Variants in ELAPOR1 observed in about 807,000 individuals in gnomAD.
The protein encoded by ELAPOR1 is endosome-lysosome associated apoptosis and autophagy regulator 1.
Under a neutral mutation model 119.7 loss-of-function variants are expected in ELAPOR1, and 77 were observed. That is an observed-to-expected ratio of 0.64 (90% CI 0.54 to 0.78). The LOEUF (loss-of-function observed/expected upper bound fraction) is 0.78. Ranked by LOEUF, ELAPOR1 falls within the 30% of genes least tolerant of loss-of-function variation. The pLI is 0.00. For missense variants in ELAPOR1, 1,115 were observed against 1,270.4 expected, an observed-to-expected ratio of 0.88 and a Z score of 1.86; for synonymous variants, 481 against 487.2, an observed-to-expected ratio of 0.99 and a Z score of 0.17.
In ELAPOR1 at chr1:109,163,082, T is replaced by C. The variant is rs72986866; in HGVS notation, c.274+1068T>C. On this transcript the variant is annotated intron_variant, in intron 2 of 21. Transcript: ENST00000369939. ...CCTAGTGGGTGGCAGACATATATGA[T>C]ATGAGAAAGAATGAGAGTTACGAAT... is the stretch of plus-strand genomic sequence containing the variant. Among the ~76,000 whole-genome samples the C allele has an allele frequency of 5.4e-3, 827 of 152,242 alleles. 8 individuals carry two copies. Among genetic ancestry groups the C allele is most frequent in the African/African-American group, 0.017 (719 of 41,516 alleles).
At chr1:109,167,300 T>C (rs567669457) in intron 3 of ELAPOR1, among the ~76,000 whole-genome samples, 27 of 152,206 alleles carry the variant, frequency 1.8e-4, no homozygotes, top group Admixed American at 1.2e-3. Context: ...CAACTTGTGT[T>C]TCCACCGCAC....
At position 109,189,064 on chromosome 1, in the gene ELAPOR1, A is replaced by C. The variant is rs1653250449; in HGVS notation, c.1220-2A>C. 1 of 1,613,304 alleles carries C rather than the reference A, an allele frequency of 6.2e-7. No homozygotes were observed. Among genetic ancestry groups the C allele is most frequent in the African/African-American group, 1.3e-5 (1 of 74,920 alleles). On this transcript the variant is annotated splice_acceptor_variant, in intron 9 of 21. Transcript: ENST00000369939. LOFTEE classifies it high-confidence loss of function. ...GCATGGATCTTGTTTGTGGTTCCCC[A>C]GACTGTACCCGCTGCCCTGCAGGGA...
At chr1:109,191,528 T>G in intron 12 of ELAPOR1, 57 bp downstream of exon 12, 1 of 1,502,240 alleles carries the variant, frequency 6.7e-7, no homozygotes, top group East Asian at 2.3e-5. Flanking sequence ...TAGCCCCATC[T>G]GCCCCATTGG....
intron 8 of ELAPOR1, chr1:109,187,583 C>T (rs1653133126): frequency 3.0e-6 from 3 of 1,002,054 alleles, no homozygotes; most frequent in Admixed American, 6.1e-5. Context: ...CCCACCTTCA[C>T]CCCTGACTCA....
chr1:109,202,143 T>C (rs1654209916), intron 21 of ELAPOR1, among the ~76,000 whole-genome samples: 1 of 152,186 alleles, frequency 6.6e-6, no homozygotes, highest in South Asian at 2.1e-4. Context: ...GACGGAGTGT[T>C]GCTCTGTCTC....
chr1:109,123,723 T>C (rs1430714483), intron 1 of ELAPOR1, among the ~76,000 whole-genome samples: 1 of 152,222 alleles, frequency 6.6e-6, no homozygotes, highest in African/African-American at 2.4e-5. Context: ...TTAAGCTCAT[T>C]GTAAACATTT....
chr1:109,131,500 A>G (rs1384579492), intron 1 of ELAPOR1, among the ~76,000 whole-genome samples: 6 of 152,062 alleles, frequency 3.9e-5, no homozygotes. Context: ...TTAAATCTCC[A>G]TGTTATTATT....
chr1:109,122,349 T>C (rs1570599310), intron 1 of ELAPOR1, among the ~76,000 whole-genome samples: 1 of 137,460 alleles, frequency 7.3e-6, no homozygotes, highest in South Asian at 2.5e-4. Context: ...TCAGATAACC[T>C]TTCCATTAAA....
At chr1:109,165,737 T>C (rs1256079436) in intron 3 of ELAPOR1, among the ~76,000 whole-genome samples, 2 of 132,676 alleles carry the variant, frequency 1.5e-5, no homozygotes, top group Non-Finnish European at 3.1e-5. Context: ...TGCTAACTTC[T>C]TCTTCTTCTT....
chr1:109,120,564 G>C (rs1558013077), intron 1 of ELAPOR1, among the ~76,000 whole-genome samples: 1 of 152,108 alleles, frequency 6.6e-6, no homozygotes, highest in African/African-American at 2.4e-5. Flanking sequence ...CCAGAGCTGT[G>C]AGCAATCAAT....
chr1:109,187,047 A>G lies in ELAPOR1; in HGVS notation c.1042-1130A>G, dbSNP rs185220169. On this transcript the variant is annotated intron_variant, in intron 8 of 21. Coordinates refer to ENST00000369939, the MANE Select transcript of ELAPOR1 (RefSeq NM_020775.5). Reference sequence around the variant, plus strand: ...CTTCTGCTTTGTGCCTCATTCCCGCACTGGTTCTGCTCAGTCTGGTGATTG... The same window carrying G: ...CTTCTGCTTTGTGCCTCATTCCCGCGCTGGTTCTGCTCAGTCTGGTGATTG... 2.5e-5 allele frequency: 25 copies of G among 985,544 alleles called. No homozygotes were observed. In the Admixed American group the frequency reaches 1.2e-3, roughly 46 times the overall value. The allele number at this position is 985,544 out of a possible 1,614,324, so 61.0% of individuals were successfully genotyped here. A position where few individuals can be genotyped will look rare whatever the true frequency, so the allele number is the denominator to read the frequency against.
chr1:109,148,386 A>T (rs560936961), intron 1 of ELAPOR1, among the ~76,000 whole-genome samples: 1 of 146,788 alleles, frequency 6.8e-6, no homozygotes, highest in South Asian at 2.2e-4. Flanking sequence ...TGATCCGCCC[A>T]CCTCAGCCTC....
In ELAPOR1 at chr1:109,191,424, G is replaced by C. The variant is rs200434378; in HGVS notation, c.1498G>C (p.Val500Leu). The change falls in exon 12 of 22, where the codon GTC becomes CTC. Residue 500 changes from valine to leucine, a missense_variant. Val to Leu is a conservative substitution (Grantham distance 32, BLOSUM62 1). Transcript: ENST00000369939. Reference sequence around the variant, plus strand: ...TAAAGAGGTGGCCAGAATCACATTTGTCTTTGAGACCCTCTGTTCTGTGAA... The same window carrying C: ...TAAAGAGGTGGCCAGAATCACATTTCTCTTTGAGACCCTCTGTTCTGTGAA... ...ENKEVARITF[V>L]FETLCSVNCE... is the part of the protein sequence containing the mutation. 6.2e-7 allele frequency: 1 copy of C among 1,614,190 alleles called. No individual in the cohort carries two copies. The highest frequency in any genetic ancestry group is 8.5e-7 in the Non-Finnish European group (1 of 1,180,020).
chr1:109,130,591 G>A (rs1443041250), intron 1 of ELAPOR1, among the ~76,000 whole-genome samples: 2 of 151,794 alleles, frequency 1.3e-5, no homozygotes, highest in East Asian at 3.9e-4. Context: ...AAGTGATCCT[G>A]GCACCTCGGC....
At chr1:109,122,967 CT>C (rs1020705473) in intron 1 of ELAPOR1, among the ~76,000 whole-genome samples, 2 of 152,094 alleles carry the variant, frequency 1.3e-5, no homozygotes, top group Non-Finnish European at 2.9e-5. Flanking sequence ...TATTAGTTAG[CT>C]TTTGCTGTAT....
At chr1:109,144,061 A>ATATATATATTTTTTTTTTTTTTT in intron 1 of ELAPOR1, among the ~76,000 whole-genome samples, 8 of 89,016 alleles carry the variant, frequency 9.0e-5, no homozygotes, top group Non-Finnish European at 1.3e-4. Flanking sequence ...ATATTTATAT[A>ATATATATATTTTTTTTTTTTTTT]TTTTTTTTTT....
intron 1 of ELAPOR1, among the ~76,000 whole-genome samples, chr1:109,139,771 A>AT (rs1184238063): frequency 3.3e-5 from 5 of 151,722 alleles, no homozygotes; most frequent in Admixed American, 6.6e-5. Context: ...TATTTATAGC[A>AT]TTTTTTTTCC....
At chr1:109,159,679 C>T (rs1431078840) in intron 1 of ELAPOR1, among the ~76,000 whole-genome samples, 2 of 152,208 alleles carry the variant, frequency 1.3e-5, no homozygotes, top group African/African-American at 4.8e-5. Context: ...TTATCGGCTG[C>T]ATGACTTTGG....
Position 109,191,372 on chromosome 1 carries a change from G to T in ELAPOR1, c.1446G>T (p.Pro482=), listed in dbSNP as rs183562491. The change falls in exon 12 of 22, where the codon CCG becomes CCT. Residue 482 remains proline (P), a synonymous_variant. Transcript: ENST00000369939. ...LTLVVPGFRP[P]QSVMADTENK... ...TTAATTTCTGCCCCTACAGACCTCC[G>T]CAGTCGGTGATGGCAGACACAGAGA... The T allele has an allele frequency of 6.2e-7, 1 of 1,613,528 alleles. No homozygotes were observed. The highest frequency in any genetic ancestry group is 1.7e-5 in the Admixed American group (1 of 60,022).
Sources: allele counts gnomAD v4.1 joint callset (sites outside exome capture counted in the v4.1 genomes callset), GRCh38; gene constraint gnomAD v4.1.1; transcripts MANE v1.5; gene names NCBI Gene and HGNC (gene_info 2026-07-23, HGNC 2026-07-21).